FAN1: variants seen among roughly 807,000 people sequenced by gnomAD.
FAN1 encodes fanconi-associated nuclease 1.
A neutral mutation model predicts 104.9 loss-of-function variants in FAN1; 91 were observed. That is an observed-to-expected ratio of 0.87 (90% CI 0.73 to 1.03). The LOEUF is 1.03. Ranked by LOEUF, FAN1 falls within the 50% of genes least tolerant of loss-of-function variation. The probability of loss-of-function intolerance (pLI) is 0.00; values close to 1 mark genes in which losing one functional copy is unlikely to be tolerated. For synonymous variants in FAN1, 478 were observed against 457.6 expected (o/e 1.04, Z -0.57); for missense variants, 1,263 against 1,239.9 (o/e 1.02, Z -0.28).
intron 4 of FAN1, 181 bp downstream of exon 4, chr15:30,910,996 T>C: frequency 7.6e-7 from 1 of 1,316,262 alleles, no homozygotes. Context: ...ATTCAAAATT[T>C]TTGTCGTAAT....
Position 30,923,183 on chromosome 15 carries a change from C to T in FAN1, c.2172+829C>T, listed in dbSNP as rs192032459. Among the ~76,000 whole-genome samples the T allele has an allele frequency of 1.2e-4, 18 of 152,264 alleles. No individual in the cohort carries two copies. In the East Asian group the frequency reaches 3.5e-3, roughly 29 times the overall value. ...GACATCTTGTTTTTATTGCCGTAAA[C>T]TGAAAAAGTGCCTTGTTACCTCACG... On this transcript the variant is annotated intron_variant, in intron 8 of 14. Transcript: ENST00000362065.
chr15:30,933,378 C>T (rs917984645), intron 13 of FAN1, among the ~76,000 whole-genome samples: 1 of 152,170 alleles, frequency 6.6e-6, no homozygotes, highest in African/African-American at 2.4e-5. Context: ...CTTCTTTGAT[C>T]CTTGGCTTAT....
intron 8 of FAN1, 30 bp downstream of exon 8, chr15:30,922,384 C>T: frequency 1.3e-6 from 2 of 1,572,142 alleles, no homozygotes; most frequent in Non-Finnish European, 1.7e-6. Flanking sequence ...ATCTGAAACA[C>T]CTTTTCATTT....
intron 14 of FAN1, among the ~76,000 whole-genome samples, chr15:30,938,539 T>C (rs2140975741): frequency 6.6e-6 from 1 of 152,218 alleles, no homozygotes; most frequent in East Asian, 1.9e-4. Flanking sequence ...GACAGTACAG[T>C]CAAATCGGCT....
chr15:30,927,671 G>A, intron 10 of FAN1: 1 of 985,664 alleles, frequency 1.0e-6, no homozygotes, highest in Non-Finnish European at 1.2e-6. Flanking sequence ...CAGGATGGGG[G>A]TCTGGTGGTC....
intron 13 of FAN1, among the ~76,000 whole-genome samples, chr15:30,934,751 T>C (rs915662596): frequency 2.6e-5 from 4 of 152,212 alleles, no homozygotes; most frequent in African/African-American, 9.6e-5. Context: ...TGTGTTGAAG[T>C]GGTTGCGTTA....
chr15:30,915,679 CATTGAAATAT>C (rs1238538552), intron 5 of FAN1, among the ~76,000 whole-genome samples: 2 of 152,040 alleles, frequency 1.3e-5, no homozygotes, highest in African/African-American at 4.8e-5. Flanking sequence ...TGTATACATG[CATTGAAATAT>C]CACACTGTGC....
At chr15:30,941,463 C>G in intron 14 of FAN1, 103 bp from the exon 15 acceptor site, 1 of 1,595,582 alleles carries the variant, frequency 6.3e-7, no homozygotes, top group Non-Finnish European at 8.5e-7. Flanking sequence ...TCAGAAAACA[C>G]CCTATTTTAG....
intron 4 of FAN1, among the ~76,000 whole-genome samples, chr15:30,912,320 C>T (rs1004145187): frequency 6.6e-6 from 1 of 152,194 alleles, no homozygotes; most frequent in African/African-American, 2.4e-5. Context: ...TGCTTTTACT[C>T]TGCTGTTATG....
At chr15:30,936,501 C>T (rs1479045245) in intron 13 of FAN1, among the ~76,000 whole-genome samples, 1 of 152,178 alleles carries the variant, frequency 6.6e-6, no homozygotes, top group Non-Finnish European at 1.5e-5. Context: ...TTTTCATTTG[C>T]TATACTAAGA....
intron 5 of FAN1, among the ~76,000 whole-genome samples, chr15:30,915,530 A>C (rs1002109672): frequency 1.3e-5 from 2 of 151,862 alleles, no homozygotes; most frequent in Non-Finnish European, 2.9e-5. Flanking sequence ...ACTACTCGGG[A>C]GGCTGGGGCA....
chr15:30,938,564 T>C (rs1347804886), intron 14 of FAN1, among the ~76,000 whole-genome samples: 1 of 152,096 alleles, frequency 6.6e-6, no homozygotes. Flanking sequence ...ATCACCATTG[T>C]GGGAGGGTCT....
rs1195777236 is a variant in FAN1 at position 30,942,078 on chromosome 15, C to T, written c.*516C>T. ...AGTGTGGAGCTGTAGCTTTTCTATA[C>T]AGAAGAGATTTTATTATGTTCCGGG... On this transcript the variant is annotated 3_prime_UTR_variant, in exon 15 of 15. Coordinates refer to ENST00000362065, the MANE Select transcript of FAN1 (RefSeq NM_014967.5). The T allele has an allele frequency of 3.7e-6, 6 of 1,607,900 alleles. No homozygotes were observed. In the South Asian group the frequency reaches 6.6e-5, roughly 18 times the overall value.
chr15:30,929,993 CAT>C (rs1373991137), intron 12 of FAN1, among the ~76,000 whole-genome samples: 4 of 124,146 alleles, frequency 3.2e-5, no homozygotes, highest in South Asian at 2.3e-4. Flanking sequence ...TATAAGATAT[CAT>C]ATATAATATA....
Position 30,942,117 on chromosome 15 carries a change from GA to G in FAN1, c.*558del. 6.4e-7 allele frequency: 1 copy of G among 1,561,232 alleles called. No homozygotes were observed. The highest frequency in any genetic ancestry group is 8.7e-7 in the Non-Finnish European group (1 of 1,153,220). On this transcript the variant is annotated 3_prime_UTR_variant, in exon 15 of 15. Coordinates refer to ENST00000362065, the MANE Select transcript of FAN1 (RefSeq NM_014967.5). ...TTATGTTCCGGGGATTCCCTTTTTA[GA>G]AAGATTGAAGGATGCAATGGCAAAT...
At chr15:30,937,318 ATGTTT>A (rs1250072271) in intron 14 of FAN1, 59 bp downstream of exon 14, 4 of 1,501,672 alleles carry the variant, frequency 2.7e-6, no homozygotes, top group Non-Finnish European at 3.6e-6. Flanking sequence ...AGTATAAAAC[ATGTTT>A]TATTTAATTT....
At chr15:30,932,415 T>C (rs2062737120) in intron 13 of FAN1, among the ~76,000 whole-genome samples, 1 of 152,126 alleles carries the variant, frequency 6.6e-6, no homozygotes, top group South Asian at 2.1e-4. Flanking sequence ...TCTTTTCTTA[T>C]TATCTCTTTG....
intron 13 of FAN1, 123 bp from the exon 14 acceptor site, chr15:30,936,996 T>G (rs1566937074): frequency 2.6e-6 from 2 of 765,558 alleles, no homozygotes; most frequent in Admixed American, 5.1e-5. Context: ...TGTGTTACAC[T>G]TACAAATACA....
Position 30,942,079 on chromosome 15 carries a change from A to G in FAN1, c.*517A>G. On this transcript the variant is annotated 3_prime_UTR_variant, in exon 15 of 15. Coordinates refer to ENST00000362065, the MANE Select transcript of FAN1 (RefSeq NM_014967.5). ...GTGTGGAGCTGTAGCTTTTCTATAC[A>G]GAAGAGATTTTATTATGTTCCGGGG... is the stretch of plus-strand genomic sequence containing the variant. The G allele has an allele frequency of 6.2e-7, 1 of 1,606,810 alleles. No homozygotes were observed. Among genetic ancestry groups the G allele is most frequent in the South Asian group, 1.1e-5 (1 of 90,474 alleles).
Sources: gnomAD v4.1 joint callset for allele counts (sites outside exome capture counted in the v4.1 genomes callset) on GRCh38, gnomAD v4.1.1 for gene constraint, MANE v1.5 for transcripts, NCBI Gene and HGNC (gene_info 2026-07-23, HGNC 2026-07-21) for gene names.